The following AOAH variants were observed in gnomAD, a reference collection of about 807,000 sequenced individuals.
AOAH encodes acyloxyacyl hydrolase, also known as acyloxyacyl hydrolase (neutrophil).
A neutral mutation model predicts 92.2 loss-of-function variants in AOAH; 64 were observed. The ratio of observed to expected loss-of-function variants is 0.69; its 90% CI spans 0.57 to 0.86. The LOEUF (loss-of-function observed/expected upper bound fraction) is 0.86. AOAH is among the 40% of genes least tolerant of loss of function. The pLI is 0.00. For missense variants in AOAH, 656 were observed against 694.6 expected, an observed-to-expected ratio of 0.94 and a Z score of 0.62; for synonymous variants, 263 against 254.5, an observed-to-expected ratio of 1.03 and a Z score of -0.32.
At chr7:36,517,935 A>ACC (rs1471635017) in intron 20 of AOAH, among the ~76,000 whole-genome samples, 4 of 70,648 alleles carry the variant, frequency 5.7e-5, no homozygotes, top group African/African-American at 1.6e-4. Flanking sequence ...ACACACCCAC[A>ACC]CACACACACC....
chr7:36,695,869 AAT>A (rs1797675914), intron 1 of AOAH, among the ~76,000 whole-genome samples: 1 of 152,212 alleles, frequency 6.6e-6, no homozygotes, highest in Non-Finnish European at 1.5e-5. Context: ...TGCCTCATTC[AAT>A]GTCACGGAGA....
chr7:36,532,660 A>G (rs1430972981), intron 16 of AOAH, among the ~76,000 whole-genome samples: 2 of 152,228 alleles, frequency 1.3e-5, no homozygotes, highest in Non-Finnish European at 2.9e-5. Context: ...CTACAGCTCA[A>G]TGTGAACCAG....
intron 6 of AOAH, among the ~76,000 whole-genome samples, chr7:36,626,468 CA>C (rs1792672732): frequency 6.6e-6 from 1 of 152,190 alleles, no homozygotes; most frequent in South Asian, 2.1e-4. Flanking sequence ...ACTGGGTACT[CA>C]GAGTAGCATA....
intron 19 of AOAH, among the ~76,000 whole-genome samples, chr7:36,528,795 T>C (rs959464324): frequency 1.6e-4 from 24 of 152,064 alleles, no homozygotes; most frequent in African/African-American, 5.6e-4. Flanking sequence ...AGAGATGGGG[T>C]CTTGCAATGT....
At chr7:36,696,288 T>C (rs1209987316) in intron 1 of AOAH, among the ~76,000 whole-genome samples, 3 of 152,188 alleles carry the variant, frequency 2.0e-5, no homozygotes, top group Non-Finnish European at 4.4e-5. Context: ...AATTTTAGAA[T>C]CAGTTTTCCA....
intron 6 of AOAH, among the ~76,000 whole-genome samples, chr7:36,627,733 CATTCT>C (rs1792776907): frequency 6.6e-6 from 1 of 152,156 alleles, no homozygotes; most frequent in Non-Finnish European, 1.5e-5. Flanking sequence ...GGCCACACGA[CATTCT>C]ATTCAATGAC....
intron 7 of AOAH, among the ~76,000 whole-genome samples, chr7:36,622,389 T>C (rs1440733186): frequency 1.3e-5 from 2 of 152,240 alleles, no homozygotes; most frequent in East Asian, 1.9e-4. Flanking sequence ...GTTTAAATAT[T>C]TGACCTGAAT....
intron 2 of AOAH, among the ~76,000 whole-genome samples, chr7:36,682,083 C>T (rs913473011): frequency 3.3e-5 from 5 of 152,222 alleles, no homozygotes; most frequent in African/African-American, 7.2e-5. Flanking sequence ...AGCCACTGGA[C>T]GGGGAGGGGT....
rs376835052 is a variant in AOAH at position 36,711,465 on chromosome 7, C to T, written c.127+12557G>A. ...GTGACCTTTCCCCAAAGTCACAGGC[C>T]CTTCTCAGAGTGTCCCTGTGGTCTT... On this transcript the variant is annotated intron_variant, in intron 1 of 20. Transcript: ENST00000617537. Among the ~76,000 whole-genome samples the T allele has an allele frequency of 1.9e-4, 29 of 152,188 alleles. No homozygotes were observed. The South Asian group carries it at 6.0e-3, about 32-fold the overall frequency.
At chr7:36,575,289 G>A (rs372707838) in intron 13 of AOAH, among the ~76,000 whole-genome samples, 45 of 152,320 alleles carry the variant, frequency 3.0e-4, no homozygotes, top group African/African-American at 1.1e-3. Context: ...GTATCTGAGT[G>A]GAGTGAGACA....
At chr7:36,645,229 C>G (rs1794151042) in intron 4 of AOAH, among the ~76,000 whole-genome samples, 1 of 152,144 alleles carries the variant, frequency 6.6e-6, no homozygotes, top group South Asian at 2.1e-4. Flanking sequence ...GGAGCCCTCA[C>G]AATGGGAGGA....
chr7:36,673,587 G>A (rs1441977533), intron 3 of AOAH, among the ~76,000 whole-genome samples: 1 of 152,148 alleles, frequency 6.6e-6, no homozygotes, highest in Non-Finnish European at 1.5e-5. Context: ...AAAGCAGACT[G>A]TGATAATGCG....
intron 2 of AOAH, 78 bp from the exon 3 acceptor site, chr7:36,674,087 C>A: frequency 1.2e-6 from 1 of 807,396 alleles, no homozygotes; most frequent in African/African-American, 1.7e-5. Context: ...ATTATCTTTG[C>A]TAGGAACTGA....
chr7:36,643,442 T>C (rs1794030680), intron 4 of AOAH, among the ~76,000 whole-genome samples: 1 of 151,984 alleles, frequency 6.6e-6, no homozygotes, highest in Non-Finnish European at 1.5e-5. Flanking sequence ...ATGCAAAAGG[T>C]CAGATACCAA....
At chr7:36,526,201 T>C (rs1166837369) in intron 19 of AOAH, among the ~76,000 whole-genome samples, 1 of 152,210 alleles carries the variant, frequency 6.6e-6, no homozygotes, top group Non-Finnish European at 1.5e-5. Context: ...CAATAGGTGT[T>C]AAAAGAAAAT....
At chr7:36,699,361 A>G (rs1480528806) in intron 1 of AOAH, among the ~76,000 whole-genome samples, 4 of 152,036 alleles carry the variant, frequency 2.6e-5, no homozygotes, top group African/African-American at 9.7e-5. Flanking sequence ...TTCTATTTTC[A>G]GTTTTTTGAG....
At chr7:36,515,224 A>G (rs1295049498) in intron 20 of AOAH, among the ~76,000 whole-genome samples, 1 of 130,528 alleles carries the variant, frequency 7.7e-6, no homozygotes, top group Admixed American at 8.0e-5. Context: ...CACACACCAC[A>G]CACCACACCC....
chr7:36,542,943 A>T (rs911580096), intron 15 of AOAH, among the ~76,000 whole-genome samples: 5 of 152,334 alleles, frequency 3.3e-5, no homozygotes, highest in Admixed American at 2.6e-4. Flanking sequence ...ATATAGAAAG[A>T]TGGCTAAAAA....
At chr7:36,514,656 T>C in intron 20 of AOAH, 2 of 1,134,604 alleles carry the variant, frequency 1.8e-6, no homozygotes, top group Non-Finnish European at 2.6e-6. Context: ...GATGGCTCCA[T>C]CTCAACAGTG....
Sources: allele counts gnomAD v4.1 joint callset (sites outside exome capture counted in the v4.1 genomes callset), GRCh38; gene constraint gnomAD v4.1.1; transcripts MANE v1.5; gene names NCBI Gene and HGNC (gene_info 2026-07-23, HGNC 2026-07-21).